The following IL10RB variants were observed in gnomAD, a reference collection of about 807,000 sequenced individuals.
IL10RB encodes interleukin-10 receptor subunit beta.
Under a neutral mutation model 38.7 loss-of-function variants are expected in IL10RB, and 30 were observed. That is an observed-to-expected ratio of 0.78 (90% CI 0.58 to 1.05). IL10RB has a LOEUF of 1.05. Ranked by LOEUF, IL10RB falls within the 50% of genes least tolerant of loss-of-function variation. The pLI, the probability that IL10RB is intolerant of heterozygous loss-of-function variation, is 0.00. For synonymous variants in IL10RB, 142 were observed against 145.9 expected (o/e 0.97, Z 0.19); for missense variants, 328 against 397.1 (o/e 0.83, Z 1.48).
Position 33,271,941 on chromosome 21 carries a change from T to A in IL10RB, c.173+3424T>A, listed in dbSNP as rs1306479302. The stretch of plus-strand genomic sequence containing the variant: ...CTCTTGTCTCTACAATTTTTTTTTT[T>A]AATTAGCTGGACTTGAGTTGGAAAG... On this transcript the variant is annotated intron_variant, in intron 2 of 6. Transcript: ENST00000290200. Among the ~76,000 whole-genome samples the A allele has an allele frequency of 5.3e-5, 8 of 151,660 alleles. No homozygotes were observed. The East Asian group carries it at 5.8e-4, about 11-fold the overall frequency.
chr21:33,273,892 T>C (rs752507264), intron 2 of IL10RB, among the ~76,000 whole-genome samples: 6 of 152,218 alleles, frequency 3.9e-5, no homozygotes, highest in Non-Finnish European at 7.3e-5. Flanking sequence ...CATCTTCGGG[T>C]TCCGCTTCTA....
At chr21:33,283,816 A>G (rs1568908064) in intron 5 of IL10RB, among the ~76,000 whole-genome samples, 1 of 152,192 alleles carries the variant, frequency 6.6e-6, no homozygotes. Context: ...GAAGGTTCCC[A>G]TGGGCCTAAA....
intron 1 of IL10RB, among the ~76,000 whole-genome samples, chr21:33,267,749 C>T (rs991684522): frequency 3.3e-5 from 5 of 152,144 alleles, no homozygotes; most frequent in Non-Finnish European, 7.3e-5. Context: ...CTCCTGACCT[C>T]AGGTGATTCA....
At chr21:33,284,657 T>C (rs1019318607) in intron 5 of IL10RB, among the ~76,000 whole-genome samples, 4 of 152,150 alleles carry the variant, frequency 2.6e-5, no homozygotes, top group African/African-American at 9.7e-5. Flanking sequence ...CCATTTCTCA[T>C]GAATGGCTTA....
At chr21:33,293,806 CAA>C (rs5843595) in intron 6 of IL10RB, among the ~76,000 whole-genome samples, 106,890 of 145,724 alleles carry the variant, frequency 0.73, 39,406 homozygotes, top group African/African-American at 0.87. Context: ...GACTCGATCT[CAA>C]AAAAAAAAAA....
At chr21:33,293,186 G>A (rs1989523455) in intron 6 of IL10RB, among the ~76,000 whole-genome samples, 1 of 152,198 alleles carries the variant, frequency 6.6e-6, no homozygotes, top group African/African-American at 2.4e-5. Flanking sequence ...CAGTGTGTGT[G>A]CCTCACCAAT....
chr21:33,298,500 G>A (rs1011372249), downstream of IL10RB, among the ~76,000 whole-genome samples: 2 of 152,118 alleles, frequency 1.3e-5, no homozygotes, highest in South Asian at 2.1e-4. Flanking sequence ...TGTAATCCCA[G>A]CTATTTGGGA....
At chr21:33,303,352 T>TC (rs1307460831) in intron 1 of IL10RB, among the ~76,000 whole-genome samples, 1 of 29,780 alleles carries the variant, frequency 3.4e-5, no homozygotes, top group Non-Finnish European at 6.7e-5. Flanking sequence ...GTTACTTTCT[T>TC]TTTTTTTTTT....
chr21:33,278,591 C>T (rs572181743), intron 3 of IL10RB, among the ~76,000 whole-genome samples: 1 of 152,268 alleles, frequency 6.6e-6, no homozygotes, highest in Non-Finnish European at 1.5e-5. Context: ...CTAGGTACAA[C>T]ACGGTTAAGC....
intron 4 of IL10RB, among the ~76,000 whole-genome samples, chr21:33,281,534 G>A (rs1989279377): frequency 1.3e-5 from 2 of 152,196 alleles, no homozygotes; most frequent in Admixed American, 6.5e-5. Flanking sequence ...AAGGCTGCCT[G>A]CTGCACTGCT....
intron 2 of IL10RB, among the ~76,000 whole-genome samples, chr21:33,271,980 G>A (rs1246599190): frequency 6.6e-6 from 1 of 151,862 alleles, no homozygotes; most frequent in Non-Finnish European, 1.5e-5. Context: ...GAAGGCGGAA[G>A]GGAAGAAAGA....
At chr21:33,279,685 G>T in intron 3 of IL10RB, 67 bp from the exon 4 acceptor site, 1 of 1,389,332 alleles carries the variant, frequency 7.2e-7, no homozygotes, top group South Asian at 1.2e-5. Flanking sequence ...GCATGGTTAT[G>T]AAAAATTAAT....
chr21:33,307,861 A>G (rs2083002585), intron 1 of IL10RB, among the ~76,000 whole-genome samples: 1 of 152,176 alleles, frequency 6.6e-6, no homozygotes, highest in Non-Finnish European at 1.5e-5. Context: ...CCTTGTCCAC[A>G]CTAGATTGTA....
chr21:33,268,929 G>T (rs1989023869), intron 2 of IL10RB, among the ~76,000 whole-genome samples: 1 of 152,114 alleles, frequency 6.6e-6, no homozygotes, highest in South Asian at 2.1e-4. Context: ...TTGAGTGGAT[G>T]CTACCCAAGA....
chr21:33,286,016 C>A (rs1306455104), intron 5 of IL10RB, among the ~76,000 whole-genome samples: 1 of 152,162 alleles, frequency 6.6e-6, no homozygotes, highest in Non-Finnish European at 1.5e-5. Context: ...ATAAGGAGTG[C>A]TGAAACCCGC....
chr21:33,290,589 A>G (rs2409483), intron 6 of IL10RB, among the ~76,000 whole-genome samples: 61,246 of 151,998 alleles, frequency 0.4, 12,720 homozygotes, highest in Non-Finnish European at 0.45. Context: ...TTCCTGACGC[A>G]GGTGTTCCAC....
chr21:33,270,362 T>C (rs904479851), intron 2 of IL10RB, among the ~76,000 whole-genome samples: 1 of 152,018 alleles, frequency 6.6e-6, no homozygotes, highest in South Asian at 2.1e-4. Flanking sequence ...TGCTGTGCTT[T>C]TGGGTTTGTT....
chr21:33,282,251 G>A (rs1424703365), intron 4 of IL10RB, among the ~76,000 whole-genome samples: 3 of 152,148 alleles, frequency 2.0e-5, no homozygotes, highest in African/African-American at 2.4e-5. Context: ...AACCAATTGC[G>A]ACTGGGTGTG....
Position 33,288,049 on chromosome 21 carries a change from G to T in IL10RB, c.647-55G>T, listed in dbSNP as rs530565914. ...ATTGTGATGGTTAAAATGCTCTTGGGATCACTGTGACCCGACCTGTGACAA... is the reference window on the plus strand; with the variant it reads ...ATTGTGATGGTTAAAATGCTCTTGGTATCACTGTGACCCGACCTGTGACAA... On this transcript the variant is annotated intron_variant, in intron 5 of 6. Coordinates refer to ENST00000290200, the MANE Select transcript of IL10RB (RefSeq NM_000628.5). 146 of 1,533,056 alleles carry T rather than the reference G, an allele frequency of 9.5e-5. No homozygotes were observed. In the Admixed American group the frequency reaches 2.3e-3, roughly 25 times the overall value. The allele number at this position is 1,533,056 out of a possible 1,614,324, so 95.0% of individuals were successfully genotyped here.
Sources: gnomAD v4.1 joint callset for allele counts (sites outside exome capture counted in the v4.1 genomes callset) on GRCh38, gnomAD v4.1.1 for gene constraint, MANE v1.5 for transcripts, NCBI Gene and HGNC (gene_info 2026-07-23, HGNC 2026-07-21) for gene names.